The following CYP4Z1 variants were observed in gnomAD, a reference collection of about 807,000 sequenced individuals.
The protein encoded by CYP4Z1 is cytochrome P450 family 4 subfamily Z member 1.
Under a neutral mutation model 54.2 loss-of-function variants are expected in CYP4Z1, and 41 were observed. The observed-to-expected ratio is 0.76, with a 90% CI of 0.59 to 0.98. The LOEUF (loss-of-function observed/expected upper bound fraction) is 0.98, where lower values mean the gene tolerates loss of function less well. CYP4Z1 is among the 50% of genes least tolerant of loss of function. CYP4Z1 has a pLI of 0.00. For missense variants in CYP4Z1, 513 were observed against 599.0 expected, an observed-to-expected ratio of 0.86 and a Z score of 1.50; for synonymous variants, 163 against 206.2, an observed-to-expected ratio of 0.79 and a Z score of 1.79.
In CYP4Z1 at chr1:47,068,758, G is replaced by C. The variant is rs746127297; in HGVS notation, c.314G>C (p.Arg105Thr). ...DPDYAKILLK[R>T]QDPKSAVSHK... ...GACTATGCCAAGATTCTCCTGAAAA[G>C]ACAAGGTAAAAACCAAGAGGGGCTC... The change falls in exon 2 of 12, where the codon AGA becomes ACA. Residue 105 changes from arginine to threonine, a missense_variant. Transcript: ENST00000334194. The C allele has an allele frequency of 1.9e-6, 3 of 1,613,912 alleles. No individual in the cohort carries two copies. The East Asian group carries it at 6.7e-5, about 36-fold the overall frequency.
At chr1:47,087,801 TG>T (rs1288011915) in intron 6 of CYP4Z1, among the ~76,000 whole-genome samples, 2 of 152,214 alleles carry the variant, frequency 1.3e-5, no homozygotes, top group African/African-American at 4.8e-5. Flanking sequence ...TTCCAGGTTT[TG>T]CCCATTCAGT....
At chr1:47,115,331 G>C in intron 9 of CYP4Z1, 198 bp from the exon 10 acceptor site, 1 of 461,846 alleles carries the variant, frequency 2.2e-6, no homozygotes, top group South Asian at 2.1e-5. Flanking sequence ...AGCATTAGGA[G>C]ATATACCTAA....
chr1:47,107,718 C>T (rs944094378), intron 9 of CYP4Z1, among the ~76,000 whole-genome samples: 2 of 152,088 alleles, frequency 1.3e-5, no homozygotes, highest in Non-Finnish European at 2.9e-5. Flanking sequence ...CATTCTAGAT[C>T]ACCTAAGCCC....
At chr1:47,063,850 T>C (rs1408067899), upstream of CYP4Z1, among the ~76,000 whole-genome samples, 2 of 152,108 alleles carry the variant, frequency 1.3e-5, no homozygotes, top group Non-Finnish European at 2.9e-5. Flanking sequence ...TCCCTGGCCT[T>C]GCTGGAGATC....
intron 9 of CYP4Z1, among the ~76,000 whole-genome samples, chr1:47,114,867 C>G (rs1235472882): frequency 1.3e-5 from 2 of 152,168 alleles, no homozygotes; most frequent in African/African-American, 2.4e-5. Context: ...ACTAGTTCAA[C>G]CATTGTGGAA....
chr1:47,095,836 T>C (rs1188658184), intron 7 of CYP4Z1, among the ~76,000 whole-genome samples: 1 of 152,214 alleles, frequency 6.6e-6, no homozygotes, highest in Non-Finnish European at 1.5e-5. Context: ...TAATTTTCCA[T>C]CATCATCTCC....
chr1:47,104,518 A>C (rs1644743404), intron 8 of CYP4Z1, among the ~76,000 whole-genome samples: 1 of 152,192 alleles, frequency 6.6e-6, no homozygotes, highest in East Asian at 1.9e-4. Context: ...CATGTCGGAC[A>C]ACCTGCTTGA....
rs1351133376 is a variant in CYP4Z1 at position 47,074,780 on chromosome 1, C to G, written c.320-5843C>G. 16 of 482,666 alleles carry G rather than the reference C, an allele frequency of 3.3e-5. No homozygotes were observed. The Admixed American group carries it at 4.9e-4, about 15-fold the overall frequency. 29.9% of individuals were successfully genotyped at this position (482,666 alleles called of 1,614,324 possible). A position where few individuals can be genotyped will look rare whatever the true frequency, so the allele number is the denominator to read the frequency against. The stretch of plus-strand genomic sequence containing the variant: ...AGGTGTATGAGTTCTCCAGCTTTGG[C>G]AGGCTTATCATACATCAGGTCAAAC... On this transcript the variant is annotated intron_variant, in intron 2 of 11. Transcript: ENST00000334194.
At chr1:47,111,593 G>A (rs1013027659) in intron 9 of CYP4Z1, among the ~76,000 whole-genome samples, 12 of 152,140 alleles carry the variant, frequency 7.9e-5, no homozygotes, top group Non-Finnish European at 2.9e-5. Flanking sequence ...AACAAATAAA[G>A]TATACAGACG....
At chr1:47,060,030 A>G in the CYP4Z1 span, among the ~76,000 whole-genome samples, 1 of 152,162 alleles carries the variant, frequency 6.6e-6, no homozygotes, top group Non-Finnish European at 1.5e-5. Context: ...TGCTTGCATC[A>G]TGTATTGGGA....
chr1:47,111,979 T>A (rs563988670), intron 9 of CYP4Z1, among the ~76,000 whole-genome samples: 3 of 152,270 alleles, frequency 2.0e-5, no homozygotes, highest in Admixed American at 2.0e-4. Context: ...GAAGAGAAGC[T>A]ATAATAGTAA....
At chr1:47,106,411 G>C (rs890131243) in intron 9 of CYP4Z1, 150 bp downstream of exon 9, 31 of 1,078,866 alleles carry the variant, frequency 2.9e-5, no homozygotes, top group Non-Finnish European at 3.8e-5. Context: ...AGAGGATAGA[G>C]CTCTCAGGAC....
chr1:47,090,200 A>G (rs1458239683), intron 6 of CYP4Z1, among the ~76,000 whole-genome samples: 2 of 152,254 alleles, frequency 1.3e-5, no homozygotes, highest in African/African-American at 2.4e-5. Flanking sequence ...AAGTCCTATT[A>G]AACTTAATGA....
At chr1:47,056,472 C>T in the CYP4Z1 span, among the ~76,000 whole-genome samples, 1 of 152,046 alleles carries the variant, frequency 6.6e-6, no homozygotes, top group African/African-American at 2.4e-5. Flanking sequence ...TCCTGGATAT[C>T]CTTGTTAACT....
rs1644702297 is a variant in CYP4Z1 at position 47,099,228 on chromosome 1, G to A, written c.1011G>A (p.Gln337=). The change falls in exon 8 of 12, where the codon CAG becomes CAA. Residue 337 remains glutamine (Q), a synonymous_variant. Transcript: ENST00000334194. Reference sequence around the variant, plus strand: ...GCTTGGCAAAGTACCCTGAGCATCAGCAGAGATGCCGAGATGAAATCAGGG... The same window carrying A: ...GCTTGGCAAAGTACCCTGAGCATCAACAGAGATGCCGAGATGAAATCAGGG... The part of the protein sequence containing the change: ...LYCLAKYPEH[Q]QRCRDEIREL... The A allele has an allele frequency of 6.2e-7, 1 of 1,613,738 alleles. No homozygotes were observed. Among genetic ancestry groups the A allele is most frequent in the Admixed American group, 1.7e-5 (1 of 59,972 alleles).
intron 7 of CYP4Z1, among the ~76,000 whole-genome samples, chr1:47,096,148 G>A (rs1644675128): frequency 6.6e-6 from 1 of 152,174 alleles, no homozygotes; most frequent in Admixed American, 6.5e-5. Context: ...GCTGAGCATG[G>A]TGGCTCATAC....
intron 6 of CYP4Z1, among the ~76,000 whole-genome samples, chr1:47,089,449 G>C (rs1644622378): frequency 6.6e-6 from 1 of 151,764 alleles, no homozygotes; most frequent in Non-Finnish European, 1.5e-5. Context: ...ATTCTCTAAT[G>C]ACAAGTCAAG....
the CYP4Z1 span, among the ~76,000 whole-genome samples, chr1:47,061,144 G>A: frequency 4.6e-5 from 7 of 151,970 alleles, no homozygotes; most frequent in Admixed American, 6.6e-5. Flanking sequence ...AAAGAATTAC[G>A]GAAGGAAGAG....
intron 4 of CYP4Z1, among the ~76,000 whole-genome samples, chr1:47,083,187 A>G (rs530208269): frequency 5.3e-5 from 8 of 152,196 alleles, no homozygotes; most frequent in African/African-American, 1.9e-4. Context: ...CTAGTCACAA[A>G]GACTTCTTAA....
Sources: allele counts gnomAD v4.1 joint callset (sites outside exome capture counted in the v4.1 genomes callset), GRCh38; gene constraint gnomAD v4.1.1; transcripts MANE v1.5; gene names NCBI Gene and HGNC (gene_info 2026-07-23, HGNC 2026-07-21).